The following COL11A1 variants were observed in gnomAD, a reference collection of about 807,000 sequenced individuals.
COL11A1 encodes the protein collagen type XI alpha 1 chain.
A neutral mutation model predicts 265.2 loss-of-function variants in COL11A1; 74 were observed. The ratio of observed to expected loss-of-function variants is 0.28; its 90% CI spans 0.23 to 0.34. The LOEUF (loss-of-function observed/expected upper bound fraction) is 0.34, where lower values mean the gene tolerates loss of function less well. Among genes scored for constraint, COL11A1 ranks in the 10% least tolerant of loss-of-function variants. COL11A1 has a pLI of 1.00. For missense variants in COL11A1, 2,165 were observed against 2,263.6 expected (o/e 0.96, Z 0.88); for synonymous variants, 816 against 727.6 (o/e 1.12, Z -1.96).
At chr1:102,943,467 AC>A (rs1658949557) in intron 42 of COL11A1, among the ~76,000 whole-genome samples, 1 of 148,980 alleles carries the variant, frequency 6.7e-6, no homozygotes, top group Admixed American at 6.7e-5. Context: ...ACACACACAC[AC>A]ACACACACAC....
chr1:102,905,157 G>T (rs1653774297), intron 54 of COL11A1, among the ~76,000 whole-genome samples: 1 of 146,432 alleles, frequency 6.8e-6, no homozygotes, highest in South Asian at 2.2e-4. Flanking sequence ...CTCACTCATA[G>T]GTGGGAACTG....
intron 41 of COL11A1, among the ~76,000 whole-genome samples, chr1:102,952,446 C>T (rs1022084615): frequency 7.9e-5 from 12 of 152,122 alleles, no homozygotes; most frequent in African/African-American, 2.9e-4. Context: ...TTTAATTTCT[C>T]CCTTGGAGCA....
chr1:103,024,013 G>T (rs1667316526), intron 7 of COL11A1, among the ~76,000 whole-genome samples: 1 of 152,076 alleles, frequency 6.6e-6, no homozygotes, highest in South Asian at 2.1e-4. Flanking sequence ...GACAAAAACT[G>T]ATACCTTTTT....
At chr1:102,938,830 C>T (rs1167569787) in intron 44 of COL11A1, among the ~76,000 whole-genome samples, 1 of 152,032 alleles carries the variant, frequency 6.6e-6, no homozygotes, top group East Asian at 1.9e-4. Flanking sequence ...AATGGCCTTA[C>T]AATCATCATA....
rs74108043 is a variant in COL11A1, at chr1:102,898,033, A to G, written c.4302+92T>C. 0.012 allele frequency: 8,779 copies of G among 732,312 alleles called. 544 individuals are homozygous for G. In the African/African-American group the frequency reaches 0.14, roughly 12 times the overall value. The allele number at this position is 732,312 out of a possible 1,614,324, so 45.4% of individuals were successfully genotyped here. On this transcript the variant is annotated intron_variant, in intron 57 of 66. Transcript: ENST00000370096. ...GGACTATTAGAAAAAATACAAACCT[A>G]TTTATAAACTAAAATGTCAAAAATT...
chr1:102,878,502 A>ATATATATATATATT (rs1317411971), intron 66 of COL11A1, among the ~76,000 whole-genome samples: 6 of 126,672 alleles, frequency 4.7e-5, no homozygotes, highest in African/African-American at 1.9e-4. Flanking sequence ...ATATATATAT[A>ATATATATATATATT]TTCTTTTTCT....
rs928214293 is a variant in COL11A1 at position 103,023,094 on chromosome 1, T to G, written c.991-98A>C. On this transcript the variant is annotated intron_variant, in intron 7 of 66. Coordinates refer to ENST00000370096, the MANE Select transcript of COL11A1 (RefSeq NM_001854.4). ...TACAATTTGATAGCGTGTGATGGGA[T>G]GCGATTTTGTTACTACTCAAGCAAC... 31 of 1,305,244 alleles carry G rather than the reference T, an allele frequency of 2.4e-5. No homozygotes were observed. In the African/African-American group the frequency reaches 4.3e-4, roughly 18 times the overall value. The allele number at this position is 1,305,244 out of a possible 1,614,324, so 80.9% of individuals were successfully genotyped here.
chr1:102,993,157 G>A (rs995024857), intron 28 of COL11A1, among the ~76,000 whole-genome samples: 1 of 152,014 alleles, frequency 6.6e-6, no homozygotes, highest in African/African-American at 2.4e-5. Context: ...TAATTCCAGA[G>A]AAAAACATTT....
intron 41 of COL11A1, 150 bp downstream of exon 41, chr1:102,961,716 G>T: frequency 1.4e-6 from 1 of 694,154 alleles, no homozygotes; most frequent in Non-Finnish European, 2.6e-6. Context: ...ATTAGTGCAT[G>T]CAATTAGTGG....
intron 42 of COL11A1, among the ~76,000 whole-genome samples, chr1:102,941,279 A>G (rs1251040969): frequency 1.3e-5 from 2 of 152,088 alleles, no homozygotes; most frequent in East Asian, 3.9e-4. Context: ...ACCTTACTCT[A>G]TAATACTGGT....
chr1:103,015,876 G>C (rs1173833619), intron 11 of COL11A1, 134 bp from the exon 12 acceptor site: 1 of 605,274 alleles, frequency 1.7e-6, no homozygotes, highest in Admixed American at 2.8e-5. Flanking sequence ...TCTGTTTTTA[G>C]TAAGTATACC....
chr1:102,971,291 AC>A (rs1304736621), intron 36 of COL11A1, among the ~76,000 whole-genome samples: 1 of 152,192 alleles, frequency 6.6e-6, no homozygotes, highest in African/African-American at 2.4e-5. Flanking sequence ...TTAACTACAA[AC>A]AAAGTGAACA....
Position 102,976,289 on chromosome 1 carries a change from C to CTTTTTTTTTTTTTTTTTTTTTTTTTT in COL11A1, c.2755-1432_2755-1407dup, listed in dbSNP as rs149842131. On this transcript the variant is annotated intron_variant, in intron 35 of 66. Transcript: ENST00000370096. ...TATAAAATTTCACAGAAAACGTTGG[C>CTTTTTTTTTTTTTTTTTTTTTTTTTT]TTTTTTTTTTTTTTTTTTTTTTTTT... 6.5e-4 allele frequency among the ~76,000 whole-genome samples: 38 copies of CTTTTTTTTTTTTTTTTTTTTTTTTTT among 58,602 alleles called. 10 individuals carry two copies. The highest frequency in any genetic ancestry group is 1.0e-3 in the South Asian group (1 of 986). The allele number at this position is 58,602 out of a possible 152,430, so 38.4% of individuals were successfully genotyped here.
At position 102,921,448 on chromosome 1, in the gene COL11A1, G is replaced by C. The variant is rs979723241; in HGVS notation, c.3708+70C>G. On this transcript the variant is annotated intron_variant, in intron 48 of 66. Transcript: ENST00000370096. ...GTTTAATATTGTTATAACTCACAAA[G>C]AGCATCTGCTATAAAATAACAATAC... The C allele has an allele frequency of 4.0e-6, 5 of 1,246,042 alleles. No homozygotes were observed. In the African/African-American group the frequency reaches 6.0e-5, roughly 15 times the overall value. The allele number at this position is 1,246,042 out of a possible 1,614,324, so 77.2% of individuals were successfully genotyped here.
intron 44 of COL11A1, 33 bp downstream of exon 44, chr1:102,939,002 T>C (rs1658440449): frequency 1.3e-6 from 2 of 1,593,914 alleles, no homozygotes; most frequent in Non-Finnish European, 1.7e-6. Context: ...GTTAAATAAA[T>C]AATGTTCTCT....
chr1:102,906,551 G>A (rs1654004831), intron 54 of COL11A1, among the ~76,000 whole-genome samples: 3 of 151,982 alleles, frequency 2.0e-5, no homozygotes, highest in Non-Finnish European at 4.4e-5. Context: ...GGGACTACAG[G>A]CATGTGCCAC....
rs1570614397 is a variant in COL11A1, at chr1:102,881,898, C to G, written c.4972-133G>C. On this transcript the variant is annotated intron_variant, in intron 64 of 66. Coordinates refer to ENST00000370096, the MANE Select transcript of COL11A1 (RefSeq NM_001854.4). Reference sequence around the variant, plus strand: ...TGCTTAAAATCGTTTTAAAATGACACAAATTAGATTATACAAAATGAGACA... The same window carrying G: ...TGCTTAAAATCGTTTTAAAATGACAGAAATTAGATTATACAAAATGAGACA... 7.2e-6 allele frequency: 5 copies of G among 697,924 alleles called. No homozygotes were observed. The East Asian group carries it at 1.4e-4, about 20-fold the overall frequency. The allele number at this position is 697,924 out of a possible 1,614,324, so 43.2% of individuals were successfully genotyped here.
chr1:102,933,756 G>A (rs1161806336), intron 46 of COL11A1, among the ~76,000 whole-genome samples: 2 of 152,160 alleles, frequency 1.3e-5, no homozygotes, highest in African/African-American at 2.4e-5. Context: ...CGTGGGCGTA[G>A]GACCCTCTGA....
rs1322123798 is a variant in COL11A1, at chr1:103,078,704, G to A, written c.442C>T (p.Pro148Ser). 4.3e-6 allele frequency: 7 copies of A among 1,613,322 alleles called. No homozygotes were observed. Among genetic ancestry groups the A allele is most frequent in the Non-Finnish European group, 5.9e-6 (7 of 1,179,604 alleles). ...GTTCTGAAGAGGGGATAGTCTTCTG[G>A]GGCAGGTTTTCCAGTGTGGTCTTCA... ...LFEDHTGKPA[P>S]EDYPLFRTVN... The change falls in exon 3 of 67, where the codon CCA (proline) becomes TCA (serine). Residue 148 changes from proline (P) to serine (S), a missense_variant. Transcript: ENST00000370096.
Sources: allele counts gnomAD v4.1 joint callset (sites outside exome capture counted in the v4.1 genomes callset), GRCh38; gene constraint gnomAD v4.1.1; transcripts MANE v1.5; gene names NCBI Gene and HGNC (gene_info 2026-07-23, HGNC 2026-07-21).